TRAPPC9: variants seen among roughly 807,000 people sequenced by gnomAD.
The protein encoded by TRAPPC9 is trafficking protein particle complex subunit 9.
A neutral mutation model predicts 124.0 loss-of-function variants in TRAPPC9; 83 were observed. The ratio of observed to expected loss-of-function variants is 0.67; its 90% CI spans 0.56 to 0.80. The LOEUF (loss-of-function observed/expected upper bound fraction) is 0.80, where lower values mean the gene tolerates loss of function less well. TRAPPC9 is among the 30% of genes least tolerant of loss of function. TRAPPC9 has a pLI of 0.00. For missense variants in TRAPPC9, 1,302 were observed against 1,508.3 expected (o/e 0.86, Z 2.27); for synonymous variants, 638 against 617.5 (o/e 1.03, Z -0.49).
rs941749355 is a variant in TRAPPC9, at chr8:140,290,130, C to T, written c.1854+863G>A. Among the ~76,000 whole-genome samples, 5 of 152,156 alleles carry T rather than the reference C, an allele frequency of 3.3e-5. No individual in the cohort carries two copies. The East Asian group carries it at 5.8e-4, about 18-fold the overall frequency. ...ACCCCAACAGAGCCTTGGTCACAGTCGCAGCAGGGACCAGGGCCTGACCAT... is the reference window on the plus strand; with the variant it reads ...ACCCCAACAGAGCCTTGGTCACAGTTGCAGCAGGGACCAGGGCCTGACCAT... On this transcript the variant is annotated intron_variant, in intron 12 of 22. Transcript: ENST00000438773.
intron 17 of TRAPPC9, among the ~76,000 whole-genome samples, chr8:140,150,127 C>T (rs11774304): frequency 0.17 from 25,449 of 152,084 alleles, 2,588 homozygotes; most frequent in Admixed American, 0.25. Context: ...TAGCATGTAC[C>T]AGGCACTGTG....
intron 9 of TRAPPC9, among the ~76,000 whole-genome samples, chr8:140,348,426 T>C (rs911620204): frequency 2.0e-5 from 3 of 152,074 alleles, no homozygotes; most frequent in Non-Finnish European, 2.9e-5. Flanking sequence ...CACACTCAAT[T>C]AGCAGCCCTG....
chr8:140,337,036 C>T (rs1299652837), intron 9 of TRAPPC9, among the ~76,000 whole-genome samples: 1 of 152,112 alleles, frequency 6.6e-6, no homozygotes, highest in African/African-American at 2.4e-5. Context: ...TTGTCAGTGT[C>T]GGACACTGAG....
chr8:140,306,375 T>G (rs367737915), intron 10 of TRAPPC9, among the ~76,000 whole-genome samples: 196 of 151,344 alleles, frequency 1.3e-3, no homozygotes, highest in African/African-American at 4.4e-3. Context: ...GCACCTGTAG[T>G]CCCAGCTACT....
At chr8:140,086,937 GA>G (rs111733551) in intron 17 of TRAPPC9, among the ~76,000 whole-genome samples, 11,085 of 148,258 alleles carry the variant, frequency 0.075, 735 homozygotes, top group African/African-American at 0.19. Flanking sequence ...CTCAAAAAAA[GA>G]AAAAAAAAAT....
chr8:139,753,744 TC>T lies in TRAPPC9; in HGVS notation c.3056-21543del, dbSNP rs1266670838. On this transcript the variant is annotated intron_variant, in intron 21 of 22. Coordinates refer to ENST00000438773, the MANE Select transcript of TRAPPC9 (RefSeq NM_001160372.4). ...TCTGGCCAGCCACCCATTCTACAAGTCCCGGAATCCTCATTTGTAACATGGA... is the reference window on the plus strand; with the variant it reads ...TCTGGCCAGCCACCCATTCTACAAGTCCGGAATCCTCATTTGTAACATGGA... 2.0e-5 allele frequency among the ~76,000 whole-genome samples: 3 copies of T among 152,306 alleles called. No homozygotes were observed. In the East Asian group the frequency reaches 5.8e-4, roughly 29 times the overall value.
At chr8:140,295,610 G>A (rs2065783144) in intron 11 of TRAPPC9, among the ~76,000 whole-genome samples, 1 of 152,192 alleles carries the variant, frequency 6.6e-6, no homozygotes, top group African/African-American at 2.4e-5. Context: ...CTCAGATGAT[G>A]GCCACACCAG....
At chr8:139,759,905 C>T (rs1049667748) in intron 21 of TRAPPC9, among the ~76,000 whole-genome samples, 1 of 152,226 alleles carries the variant, frequency 6.6e-6, no homozygotes, top group African/African-American at 2.4e-5. Flanking sequence ...GACAGACTCC[C>T]AGACCAGTGC....
intron 17 of TRAPPC9, among the ~76,000 whole-genome samples, chr8:140,204,789 A>C: frequency 6.6e-6 from 1 of 152,168 alleles, no homozygotes; most frequent in East Asian, 1.9e-4. Flanking sequence ...AGCCAGTTAA[A>C]CCTCTTTTCT....
intron 19 of TRAPPC9, among the ~76,000 whole-genome samples, chr8:139,970,669 C>T (rs1159511624): frequency 6.6e-6 from 1 of 152,184 alleles, no homozygotes; most frequent in African/African-American, 2.4e-5. Context: ...ATCAGCTCTA[C>T]TTCTACCTCC....
At chr8:140,211,707 G>T (rs915448869) in intron 17 of TRAPPC9, among the ~76,000 whole-genome samples, 11 of 152,338 alleles carry the variant, frequency 7.2e-5, no homozygotes, top group East Asian at 5.8e-4. Flanking sequence ...CTGATCGAAT[G>T]AGATAAAACA....
At chr8:139,804,227 T>C (rs375764648) in intron 21 of TRAPPC9, among the ~76,000 whole-genome samples, 4,412 of 31,704 alleles carry the variant, frequency 0.14, 142 homozygotes, top group Admixed American at 0.26. Context: ...CCAAGCACCA[T>C]CACCACCACC....
At chr8:139,784,724 G>T (rs765633912) in intron 21 of TRAPPC9, among the ~76,000 whole-genome samples, 19 of 146,004 alleles carry the variant, frequency 1.3e-4, no homozygotes, top group Admixed American at 8.3e-4. Flanking sequence ...ATAGCATAAA[G>T]AATATGAAAT....
rs1036473360 is a variant in TRAPPC9, at chr8:140,063,876, A to C, written c.2557-39797T>G. Among the ~76,000 whole-genome samples, 1 of 151,958 alleles carries C rather than the reference A, an allele frequency of 6.6e-6. No individual in the cohort carries two copies. Among genetic ancestry groups the C allele is most frequent in the Non-Finnish European group, 1.5e-5 (1 of 67,978 alleles). On this transcript the variant is annotated intron_variant, in intron 17 of 22. Coordinates refer to ENST00000438773, the MANE Select transcript of TRAPPC9 (RefSeq NM_001160372.4). This position sits in a 1 kb window ranked among gnomAD's most constrained non-coding sequence, Gnocchi z 4.3. Reference sequence around the variant, plus strand: ...CGCTTCCTATCACACCCCTAAATGCAAGGCACACGGGTGGCCCTGCCTCCC... The same window carrying C: ...CGCTTCCTATCACACCCCTAAATGCCAGGCACACGGGTGGCCCTGCCTCCC...
intron 17 of TRAPPC9, among the ~76,000 whole-genome samples, chr8:140,204,784 G>A (rs1177155259): frequency 1.3e-5 from 2 of 152,188 alleles, no homozygotes; most frequent in Admixed American, 1.3e-4. Flanking sequence ...CCATGAGCCA[G>A]TTAAACCTCT....
At chr8:139,868,638 C>T (rs1421906241) in intron 21 of TRAPPC9, among the ~76,000 whole-genome samples, 2 of 152,202 alleles carry the variant, frequency 1.3e-5, no homozygotes, top group Admixed American at 6.5e-5. Flanking sequence ...GACTGAATGA[C>T]AACCTCACAT....
At chr8:140,194,676 A>G (rs2062593355) in intron 17 of TRAPPC9, among the ~76,000 whole-genome samples, 1 of 152,126 alleles carries the variant, frequency 6.6e-6, no homozygotes, top group African/African-American at 2.4e-5. Flanking sequence ...ATACCTACTC[A>G]TCTTTCAATA....
chr8:140,344,049 C>A lies in TRAPPC9; in HGVS notation c.1495+16001G>T, dbSNP rs77361897. On this transcript the variant is annotated intron_variant, in intron 9 of 22. Transcript: ENST00000438773. ...TGTGTCCCCCCAAATTCACGTTATA[C>A]CCTAACTCCCAAGGTGATGGGATTA... is the stretch of plus-strand genomic sequence containing the variant. Among the ~76,000 whole-genome samples, 352 of 152,228 alleles carry A rather than the reference C, an allele frequency of 2.3e-3. 1 individual carries two copies. Among genetic ancestry groups the A allele is most frequent in the African/African-American group, 8.0e-3 (334 of 41,540 alleles).
At chr8:140,348,215 G>C (rs2067409137) in intron 9 of TRAPPC9, among the ~76,000 whole-genome samples, 1 of 152,166 alleles carries the variant, frequency 6.6e-6, no homozygotes. Context: ...ACATCACAAA[G>C]CACGATGGCA....
Sources: gnomAD v4.1 joint callset for allele counts (sites outside exome capture counted in the v4.1 genomes callset) on GRCh38, gnomAD v4.1.1 for gene constraint, Gnocchi (gnomAD v3.1) non-coding constraint, MANE v1.5 for transcripts, NCBI Gene and HGNC (gene_info 2026-07-23, HGNC 2026-07-21) for gene names.